TJP1: variants seen among roughly 807,000 people sequenced by gnomAD.
TJP1 encodes the protein tight junction protein ZO-1.
Under a neutral mutation model 194.2 loss-of-function variants are expected in TJP1, and 43 were observed. That is an observed-to-expected ratio of 0.22 (90% CI 0.17 to 0.29). TJP1 has a LOEUF of 0.29. Ranked by LOEUF, TJP1 falls within the 10% of genes least tolerant of loss-of-function variation. TJP1 has a pLI of 1.00. For missense variants in TJP1, 1,971 were observed against 2,185.7 expected (o/e 0.90, Z 1.96); for synonymous variants, 801 against 779.0 (o/e 1.03, Z -0.47).
chr15:29,846,723 A>C (rs1267134580), intron 2 of TJP1, among the ~76,000 whole-genome samples: 3 of 152,080 alleles, frequency 2.0e-5, no homozygotes, highest in Non-Finnish European at 4.4e-5. Flanking sequence ...CAGGAGATCG[A>C]GACCATCCTG....
At chr15:29,955,797 GCACCAT>G (rs1555460486) in intron 2 of TJP1, among the ~76,000 whole-genome samples, 1 of 102,780 alleles carries the variant, frequency 9.7e-6, no homozygotes, top group Non-Finnish European at 2.0e-5. Flanking sequence ...TAGAAAGAAA[GCACCAT>G]CATTAACTGA....
chr15:29,742,266 A>G (rs2044472810), intron 9 of TJP1, among the ~76,000 whole-genome samples: 1 of 152,040 alleles, frequency 6.6e-6, no homozygotes, highest in African/African-American at 2.4e-5. Flanking sequence ...AAAAAACCCA[A>G]AGACAATAAA....
intron 8 of TJP1, among the ~76,000 whole-genome samples, chr15:29,746,168 G>A (rs2044759141): frequency 1.3e-5 from 2 of 152,160 alleles, no homozygotes; most frequent in South Asian, 4.1e-4. Flanking sequence ...CACAAGGTCA[G>A]AAGATCGAGA....
intron 1 of TJP1, among the ~76,000 whole-genome samples, chr15:29,806,756 A>C (rs1218765598): frequency 6.6e-6 from 1 of 152,206 alleles, no homozygotes. Flanking sequence ...ATAATTTCAA[A>C]TTGTGATCAC....
intron 2 of TJP1, among the ~76,000 whole-genome samples, chr15:29,948,095 T>C (rs2055344934): frequency 6.6e-6 from 1 of 152,094 alleles, no homozygotes; most frequent in South Asian, 2.1e-4. Context: ...TAAAACCCCA[T>C]CTCTACTAAA....
chr15:29,768,497 A>G (rs966258964), intron 4 of TJP1, among the ~76,000 whole-genome samples: 2 of 152,192 alleles, frequency 1.3e-5, no homozygotes, highest in East Asian at 1.9e-4. Flanking sequence ...ATGAGCACTC[A>G]AGGCTTTCCC....
At chr15:29,742,309 C>A (rs149203385) in intron 9 of TJP1, among the ~76,000 whole-genome samples, 68 of 151,620 alleles carry the variant, frequency 4.5e-4, no homozygotes, top group African/African-American at 1.6e-3. Context: ...TTTATGAAAA[C>A]ACTTTCAAAA....
At chr15:29,735,875 A>G (rs1259979534) in intron 11 of TJP1, among the ~76,000 whole-genome samples, 1 of 152,140 alleles carries the variant, frequency 6.6e-6, no homozygotes, top group African/African-American at 2.4e-5. Flanking sequence ...AGGAGGATTC[A>G]ATGAGAAAAT....
At position 29,821,725 on chromosome 15, in the gene TJP1, G is replaced by A. The variant is rs529449523; in HGVS notation, c.27+277C>T. Among the ~76,000 whole-genome samples, 87 of 152,026 alleles carry A rather than the reference G, an allele frequency of 5.7e-4. 1 individual carries two copies. In the Middle Eastern group the frequency reaches 0.017, roughly 30 times the overall value. ...CCCCGCCCTCAGCGAGCCGCAGCCA[G>A]GCACAGGCGCCGGCAGCTATGCACC... is the stretch of plus-strand genomic sequence containing the variant. On this transcript the variant is annotated intron_variant, in intron 1 of 27. Coordinates refer to ENST00000614355, the MANE Select transcript of TJP1 (RefSeq NM_001330239.4).
At chr15:29,748,641 T>C (rs1281838501) in intron 8 of TJP1, among the ~76,000 whole-genome samples, 1 of 142,206 alleles carries the variant, frequency 7.0e-6, no homozygotes, top group Non-Finnish European at 1.5e-5. Context: ...GGCACAATCA[T>C]ACTTCACTGC....
chr15:29,765,011 A>T (rs756505696), intron 5 of TJP1, among the ~76,000 whole-genome samples: 16 of 152,220 alleles, frequency 1.1e-4, no homozygotes, highest in African/African-American at 3.9e-4. Flanking sequence ...AGAACGTTAT[A>T]AAGGGCAGGG....
chr15:29,717,934 A>T (rs956405542), intron 22 of TJP1, 87 bp downstream of exon 22: 3 of 1,132,688 alleles, frequency 2.6e-6, no homozygotes, highest in African/African-American at 1.6e-5. Context: ...CCTCTCCTCT[A>T]CTAACACAGT....
chr15:29,862,757 C>T (rs2052134318), intron 2 of TJP1, among the ~76,000 whole-genome samples: 2 of 150,982 alleles, frequency 1.3e-5, no homozygotes, highest in African/African-American at 2.4e-5. Flanking sequence ...ACGCCATTCT[C>T]CTGCCTCAGC....
intron 13 of TJP1, 33 bp downstream of exon 13, chr15:29,733,061 T>C (rs2043775224): frequency 1.3e-6 from 2 of 1,592,034 alleles, no homozygotes; most frequent in African/African-American, 2.7e-5. Flanking sequence ...ATTTACTTGA[T>C]TCACTCTATG....
chr15:29,870,222 G>T (rs2052465119), intron 2 of TJP1, among the ~76,000 whole-genome samples: 1 of 152,008 alleles, frequency 6.6e-6, no homozygotes, highest in Admixed American at 6.6e-5. Context: ...ATAAATTACT[G>T]AATGTGTAAA....
chr15:29,862,699 G>A lies in TJP1; in HGVS notation c.307-61997C>T, dbSNP rs538833670. Among the ~76,000 whole-genome samples, 13 of 145,498 alleles carry A rather than the reference G, an allele frequency of 8.9e-5. No individual in the cohort carries two copies. In the East Asian group the frequency reaches 1.5e-3, roughly 16 times the overall value. ...GTCTCGCTCTGTCACCCAGGCTGGAGTGCAGTGGTGCGATCTTGGCTCACT... is the reference window on the plus strand; with the variant it reads ...GTCTCGCTCTGTCACCCAGGCTGGAATGCAGTGGTGCGATCTTGGCTCACT... On this transcript the variant is annotated intron_variant, in intron 2 of 28. Transcript: ENST00000356107.
intron 1 of TJP1, among the ~76,000 whole-genome samples, chr15:29,819,992 A>AT (rs1180566694): frequency 6.6e-6 from 1 of 152,210 alleles, no homozygotes; most frequent in Non-Finnish European, 1.5e-5. Flanking sequence ...CTGGAAACAA[A>AT]TGTCTATCAA....
intron 2 of TJP1, among the ~76,000 whole-genome samples, chr15:29,894,831 T>C (rs1032037143): frequency 2.0e-5 from 3 of 152,234 alleles, no homozygotes; most frequent in Non-Finnish European, 4.4e-5. Flanking sequence ...AAGATGGCAC[T>C]GCCTGGGGGC....
intron 2 of TJP1, among the ~76,000 whole-genome samples, chr15:29,947,871 C>T (rs2055337375): frequency 6.6e-6 from 1 of 152,212 alleles, no homozygotes; most frequent in African/African-American, 2.4e-5. Flanking sequence ...GTGCGGAAGG[C>T]TGGTCTCTGG....
Sources: allele counts gnomAD v4.1 joint callset (sites outside exome capture counted in the v4.1 genomes callset), GRCh38; gene constraint gnomAD v4.1.1; transcripts MANE v1.5; gene names NCBI Gene and HGNC (gene_info 2026-07-23, HGNC 2026-07-21).